The following PCGF5 variants were observed in gnomAD, a reference collection of about 807,000 sequenced individuals.
PCGF5 encodes the protein polycomb group RING finger protein 5.
A neutral mutation model predicts 44.3 loss-of-function variants in PCGF5; 9 were observed. The ratio of observed to expected loss-of-function variants is 0.20; its 90% CI spans 0.12 to 0.35. PCGF5 has a LOEUF of 0.35. Among genes scored for constraint, PCGF5 ranks in the 10% least tolerant of loss-of-function variants. The pLI is 1.00. For synonymous variants in PCGF5, 95 were observed against 102.5 expected, an observed-to-expected ratio of 0.93 and a Z score of 0.44; for missense variants, 146 against 305.3, an observed-to-expected ratio of 0.48 and a Z score of 3.89.
chr10:91,161,987 G>A (rs1293212214), upstream of PCGF5, among the ~76,000 whole-genome samples: 5 of 151,866 alleles, frequency 3.3e-5, no homozygotes, highest in Non-Finnish European at 5.9e-5. Context: ...CTGCTTGGGG[G>A]AGCAGGAAGA....
intron 6 of PCGF5, among the ~76,000 whole-genome samples, chr10:91,253,431 T>C (rs1395703432): frequency 6.6e-6 from 1 of 152,004 alleles, no homozygotes; most frequent in Non-Finnish European, 1.5e-5. Flanking sequence ...TTTCCCAAGC[T>C]GAAGTGTTAT....
At chr10:91,223,125 A>AAATATTTAACAAAT (rs1844726164) in intron 2 of PCGF5, 142 bp downstream of exon 2, 2 of 643,190 alleles carry the variant, frequency 3.1e-6, no homozygotes, top group Admixed American at 6.5e-5. Flanking sequence ...TTGAATTTTC[A>AAATATTTAACAAAT]GAATATTTGT....
chr10:91,186,530 A>ATG (rs35472532), intron 1 of PCGF5, among the ~76,000 whole-genome samples: 10,158 of 140,558 alleles, frequency 0.072, 958 homozygotes, highest in African/African-American at 0.25. Context: ...TCATATATAT[A>ATG]TGTGTGTGTG....
intron 1 of PCGF5, among the ~76,000 whole-genome samples, chr10:91,183,752 C>A (rs1056832963): frequency 9.9e-5 from 15 of 152,102 alleles, no homozygotes; most frequent in African/African-American, 2.9e-4. Context: ...TCTTGTAAGG[C>A]AGGTCTGGTG....
chr10:91,234,377 A>G (rs1845093170), intron 2 of PCGF5, among the ~76,000 whole-genome samples: 1 of 152,228 alleles, frequency 6.6e-6, no homozygotes, highest in Non-Finnish European at 1.5e-5. Flanking sequence ...AATCTTGGAC[A>G]CACACCTCAC....
At chr10:91,163,597 G>A (rs1843435941) in intron 1 of PCGF5, among the ~76,000 whole-genome samples, 1 of 152,128 alleles carries the variant, frequency 6.6e-6, no homozygotes, top group African/African-American at 2.4e-5. Context: ...CGCCTAGTTT[G>A]GGGGCCGCTG....
At position 91,187,856 on chromosome 10, in the gene PCGF5, AC is replaced by A. The variant is rs368780520; in HGVS notation, c.-184+24776del. ...AACTTAGAGTATTTTCTATACAGTT[AC>A]TTGTCCTAAAAACTAAGTGACTTGA... On this transcript the variant is annotated intron_variant, in intron 1 of 9. Coordinates refer to the PCGF5 transcript ENST00000614189. Among the ~76,000 whole-genome samples the A allele has an allele frequency of 6.9e-3, 1,052 of 152,268 alleles. 11 individuals carry two copies. The highest frequency in any genetic ancestry group is 0.024 in the African/African-American group (1,010 of 41,550).
intron 6 of PCGF5, among the ~76,000 whole-genome samples, chr10:91,254,784 G>T (rs1387398112): frequency 1.3e-5 from 2 of 152,082 alleles, no homozygotes; most frequent in African/African-American, 2.4e-5. Flanking sequence ...ACTTTTCCAT[G>T]AAAGTATAAA....
intron 1 of PCGF5, among the ~76,000 whole-genome samples, chr10:91,163,710 A>G (rs1394985044): frequency 6.6e-6 from 1 of 151,854 alleles, no homozygotes; most frequent in Non-Finnish European, 1.5e-5. Flanking sequence ...GGCGAGCGAG[A>G]GGCGCGTTGG....
In PCGF5 at chr10:91,280,432, T is replaced by C. The variant is rs563286013; in HGVS notation, c.*2116T>C. Reference sequence around the variant, plus strand: ...GTTGCCTTGTCATATGTAATTTCACTATTTTCCAAGGAAATATATAGGAAG... The same window carrying C: ...GTTGCCTTGTCATATGTAATTTCACCATTTTCCAAGGAAATATATAGGAAG... On this transcript the variant is annotated 3_prime_UTR_variant, in exon 10 of 10. Coordinates refer to ENST00000336126, the MANE Select transcript of PCGF5 (RefSeq NM_032373.5). 6.6e-6 allele frequency: 1 copy of C among 152,586 alleles called. No homozygotes were observed. Among genetic ancestry groups the C allele is most frequent in the East Asian group, 1.9e-4 (1 of 5,188 alleles). The allele number at this position is 152,586 out of a possible 1,614,324, so 9.5% of individuals were successfully genotyped here. A position where few individuals can be genotyped will look rare whatever the true frequency, so the allele number is the denominator to read the frequency against.
At chr10:91,191,240 T>C (rs1844028611) in intron 1 of PCGF5, among the ~76,000 whole-genome samples, 1 of 152,238 alleles carries the variant, frequency 6.6e-6, no homozygotes, top group Non-Finnish European at 1.5e-5. Context: ...ACTACTCTTA[T>C]GCTTTGGGGC....
At chr10:91,187,462 A>G (rs1843948435) in intron 1 of PCGF5, among the ~76,000 whole-genome samples, 1 of 152,100 alleles carries the variant, frequency 6.6e-6, no homozygotes, top group Non-Finnish European at 1.5e-5. Context: ...ATTCCCAGAG[A>G]TGAGGTAGAG....
chr10:91,164,514 G>C (rs143045780), intron 1 of PCGF5, among the ~76,000 whole-genome samples: 1 of 152,208 alleles, frequency 6.6e-6, no homozygotes, highest in Non-Finnish European at 1.5e-5. Context: ...TAGTAATTGC[G>C]TCTACCTAAC....
intron 3 of PCGF5, among the ~76,000 whole-genome samples, chr10:91,241,063 TTTTA>T (rs888747231): frequency 6.7e-6 from 1 of 148,470 alleles, no homozygotes; most frequent in Non-Finnish European, 1.5e-5. Flanking sequence ...ATAATATATA[TTTTA>T]TTTATTTATT....
At chr10:91,188,129 C>T (rs557016466) in intron 1 of PCGF5, among the ~76,000 whole-genome samples, 2 of 152,166 alleles carry the variant, frequency 1.3e-5, no homozygotes, top group South Asian at 4.1e-4. Context: ...GTGTGAGTGA[C>T]GCAGAAGACG....
At chr10:91,274,005 A>T (rs1846247573) in intron 9 of PCGF5, among the ~76,000 whole-genome samples, 1 of 151,912 alleles carries the variant, frequency 6.6e-6, no homozygotes, top group African/African-American at 2.4e-5. Flanking sequence ...TAATTATACA[A>T]AGGAATATTC....
chr10:91,254,031 G>A (rs1465717119), intron 6 of PCGF5, among the ~76,000 whole-genome samples: 1 of 151,924 alleles, frequency 6.6e-6, no homozygotes, highest in Non-Finnish European at 1.5e-5. Flanking sequence ...CTTTTGGCCT[G>A]TACAATTAAG....
intron 2 of PCGF5, among the ~76,000 whole-genome samples, chr10:91,237,331 G>C (rs983043994): frequency 1.3e-5 from 2 of 152,074 alleles, no homozygotes; most frequent in Admixed American, 1.3e-4. Context: ...GAAAAACAAA[G>C]CAAGTCAGAA....
At chr10:91,244,117 G>A (rs145534771) in intron 3 of PCGF5, among the ~76,000 whole-genome samples, 1 of 152,200 alleles carries the variant, frequency 6.6e-6, no homozygotes, top group African/African-American at 2.4e-5. Flanking sequence ...TATATGGTAT[G>A]TTAGAAAGTG....
Sources: gnomAD v4.1 joint callset for allele counts (sites outside exome capture counted in the v4.1 genomes callset) on GRCh38, gnomAD v4.1.1 for gene constraint, MANE v1.5 for transcripts, NCBI Gene and HGNC (gene_info 2026-07-23, HGNC 2026-07-21) for gene names.